The following CCSER1 variants were observed in gnomAD, a reference collection of about 807,000 sequenced individuals.
CCSER1 encodes the protein serine-rich coiled-coil domain-containing protein 1.
A neutral mutation model predicts 82.0 loss-of-function variants in CCSER1; 41 were observed. The ratio of observed to expected loss-of-function variants is 0.50; its 90% confidence interval spans 0.39 to 0.65. The LOEUF is 0.65. Ranked by LOEUF, CCSER1 falls within the 30% of genes least tolerant of loss-of-function variation. The probability of loss-of-function intolerance (pLI) is 0.00; values close to 1 mark genes in which losing one functional copy is unlikely to be tolerated. For missense variants in CCSER1, 1,119 were observed against 1,064.2 expected, an observed-to-expected ratio of 1.05 and a Z score of -0.72; for synonymous variants, 414 against 383.9, an observed-to-expected ratio of 1.08 and a Z score of -0.92.
At chr4:90,587,209 C>G (rs768421972) in intron 5 of CCSER1, among the ~76,000 whole-genome samples, 6 of 152,180 alleles carry the variant, frequency 3.9e-5, no homozygotes, top group Non-Finnish European at 8.8e-5. Flanking sequence ...GATTTTAGAC[C>G]AGTGAGACCT....
intron 5 of CCSER1, among the ~76,000 whole-genome samples, chr4:90,519,535 T>C (rs918324513): frequency 6.6e-6 from 1 of 151,954 alleles, no homozygotes; most frequent in Admixed American, 6.6e-5. Context: ...AGTTTATTAA[T>C]TAAATATTTT....
chr4:90,445,146 A>T (rs1560527939), intron 4 of CCSER1, among the ~76,000 whole-genome samples: 1 of 152,054 alleles, frequency 6.6e-6, no homozygotes, highest in Non-Finnish European at 1.5e-5. Context: ...AGGAACTGTT[A>T]GGTCTTCAAC....
chr4:91,158,408 G>T (rs901444695), intron 10 of CCSER1, among the ~76,000 whole-genome samples: 10 of 151,866 alleles, frequency 6.6e-5, no homozygotes, highest in Non-Finnish European at 1.3e-4. Context: ...AGCAACTATT[G>T]TCTTCAAATT....
At chr4:90,929,256 A>G (rs1471218227) in intron 9 of CCSER1, among the ~76,000 whole-genome samples, 2 of 152,144 alleles carry the variant, frequency 1.3e-5, no homozygotes, top group Non-Finnish European at 2.9e-5. Flanking sequence ...AAAGCCACTA[A>G]TTTTTTATAA....
At chr4:91,141,936 C>A (rs1729071752) in intron 10 of CCSER1, among the ~76,000 whole-genome samples, 1 of 152,126 alleles carries the variant, frequency 6.6e-6, no homozygotes, top group Admixed American at 6.6e-5. Context: ...AGTGTCTGTT[C>A]ATATCTTTTA....
At chr4:91,547,446 G>A (rs1761947773) in intron 10 of CCSER1, among the ~76,000 whole-genome samples, 1 of 152,114 alleles carries the variant, frequency 6.6e-6, no homozygotes, top group African/African-American at 2.4e-5. Flanking sequence ...TTATCTTTAT[G>A]TAGTGCTCCT....
intron 10 of CCSER1, among the ~76,000 whole-genome samples, chr4:91,244,568 C>T (rs1739618851): frequency 6.6e-6 from 1 of 152,196 alleles, no homozygotes; most frequent in South Asian, 2.1e-4. Flanking sequence ...GGATCTTATC[C>T]ATGTCCACCA....
At chr4:90,186,844 T>TC (rs1468646668) in intron 1 of CCSER1, among the ~76,000 whole-genome samples, 1 of 151,844 alleles carries the variant, frequency 6.6e-6, no homozygotes, top group Non-Finnish European at 1.5e-5. Context: ...TCCTGGTTTT[T>TC]CCCCCCCATG....
intron 7 of CCSER1, chr4:90,781,988 A>T (rs905578405): frequency 1.1e-5 from 10 of 879,776 alleles, no homozygotes; most frequent in Non-Finnish European, 1.4e-5. Flanking sequence ...TAAAATGAAG[A>T]ACATTTCTAT....
In CCSER1 at chr4:90,243,234, T is replaced by G. The variant is rs550246011; in HGVS notation, c.-41-65010T>G. Among the ~76,000 whole-genome samples, 4 of 151,830 alleles carry G rather than the reference T, an allele frequency of 2.6e-5. No individual in the cohort carries two copies. In the South Asian group the frequency reaches 6.2e-4, roughly 24 times the overall value. On this transcript the variant is annotated intron_variant, in intron 1 of 10. Coordinates refer to ENST00000509176, the MANE Select transcript of CCSER1 (RefSeq NM_001145065.2). ...GCACATCACTATGCCAGTCCTGTTTTTATTTACTTATTTATTTATTTACTA... is the reference window on the plus strand; with the variant it reads ...GCACATCACTATGCCAGTCCTGTTTGTATTTACTTATTTATTTATTTACTA...
intron 10 of CCSER1, among the ~76,000 whole-genome samples, chr4:91,577,948 G>A (rs867715581): frequency 6.6e-6 from 1 of 151,908 alleles, no homozygotes. Flanking sequence ...GACATTTTAT[G>A]TCAATGTTTA....
At chr4:90,645,252 A>T (rs956047752) in intron 6 of CCSER1, among the ~76,000 whole-genome samples, 4 of 152,128 alleles carry the variant, frequency 2.6e-5, no homozygotes, top group African/African-American at 9.7e-5. Flanking sequence ...ATAGATACCT[A>T]CGTTTACCTA....
intron 10 of CCSER1, among the ~76,000 whole-genome samples, chr4:91,246,792 T>C (rs1302467508): frequency 6.7e-6 from 1 of 148,824 alleles, no homozygotes; most frequent in Non-Finnish European, 1.5e-5. Context: ...ACTCAGAAAA[T>C]TTAAAAAAAG....
rs1420666327 is a variant in CCSER1, at chr4:90,837,084, A to G, written c.2094+21239A>G. The stretch of plus-strand genomic sequence containing the variant: ...TGTAAAAATTGCTGTCATATTAAGA[A>G]GCAATCAAAGCATATGAAGCCAAAA... On this transcript the variant is annotated intron_variant, in intron 8 of 10. Transcript: ENST00000509176. Among the ~76,000 whole-genome samples the G allele has an allele frequency of 2.0e-5, 3 of 152,326 alleles. No individual in the cohort carries two copies. The East Asian group carries it at 5.8e-4, about 29-fold the overall frequency.
chr4:91,119,167 G>A (rs920712371), intron 10 of CCSER1, among the ~76,000 whole-genome samples: 2 of 152,114 alleles, frequency 1.3e-5, no homozygotes, highest in African/African-American at 2.4e-5. Context: ...CTAAGTCATG[G>A]CAGAGATTTC....
chr4:91,354,323 T>C (rs1748676828), intron 10 of CCSER1, among the ~76,000 whole-genome samples: 1 of 152,244 alleles, frequency 6.6e-6, no homozygotes. Flanking sequence ...CCCAGAAGTT[T>C]ACCTGTTTTT....
At chr4:90,860,440 T>C (rs1473252603) in intron 8 of CCSER1, among the ~76,000 whole-genome samples, 1 of 151,652 alleles carries the variant, frequency 6.6e-6, no homozygotes, top group Non-Finnish European at 1.5e-5. Flanking sequence ...GAAAAAGTTT[T>C]AATTTTTAAA....
intron 9 of CCSER1, among the ~76,000 whole-genome samples, chr4:91,067,240 C>G (rs1365337037): frequency 6.6e-6 from 1 of 151,866 alleles, no homozygotes; most frequent in African/African-American, 2.4e-5. Context: ...GTGAATAAGC[C>G]AGAAAATAAA....
intron 10 of CCSER1, among the ~76,000 whole-genome samples, chr4:91,244,213 C>T (rs150182314): frequency 1.3e-5 from 2 of 152,288 alleles, no homozygotes; most frequent in South Asian, 2.1e-4. Flanking sequence ...GGAAGGACTT[C>T]GTATTGTAGT....
Sources: allele counts gnomAD v4.1 joint callset (sites outside exome capture counted in the v4.1 genomes callset), GRCh38; gene constraint gnomAD v4.1.1; transcripts MANE v1.5; gene names NCBI Gene and HGNC (gene_info 2026-07-23, HGNC 2026-07-21).